C12orf56: variants seen among roughly 807,000 people sequenced by gnomAD.
The protein encoded by C12orf56 is uncharacterized protein C12orf56.
In C12orf56, 71 loss-of-function variants were observed where a neutral mutation model predicts 69.9. The ratio of observed to expected loss-of-function variants is 1.02; its 90% CI spans 0.84 to 1.24. The LOEUF is 1.24. Ranked by LOEUF, C12orf56 falls within the 50% of genes most tolerant of loss-of-function variation. C12orf56 has a pLI of 0.00. For synonymous variants in C12orf56, 276 were observed against 274.1 expected (o/e 1.01, Z -0.07); for missense variants, 732 against 738.5 (o/e 0.99, Z 0.10).
chr12:64,343,242 A>AT (rs1362134312), intron 2 of C12orf56, among the ~76,000 whole-genome samples: 12 of 152,068 alleles, frequency 7.9e-5, no homozygotes, highest in African/African-American at 2.9e-4. Context: ...TTTTAGTCGG[A>AT]TTTTTTTCCT....
chr12:64,329,951 A>C (rs2038908521), intron 3 of C12orf56, among the ~76,000 whole-genome samples: 1 of 151,826 alleles, frequency 6.6e-6, no homozygotes, highest in Admixed American at 6.6e-5. Flanking sequence ...GTTGGTTCCA[A>C]GTCTTTGCTA....
intron 1 of C12orf56, among the ~76,000 whole-genome samples, chr12:64,380,129 AAAAAACAAAAC>A (rs1315833041): frequency 1.0e-3 from 50 of 49,372 alleles, no homozygotes; most frequent in East Asian, 2.1e-3. Flanking sequence ...AAAAAAAAAA[AAAAAACAAAAC>A]AAACAAAAAA....
intron 6 of C12orf56, among the ~76,000 whole-genome samples, chr12:64,303,240 C>T (rs1328237616): frequency 1.3e-5 from 2 of 151,510 alleles, no homozygotes; most frequent in Non-Finnish European, 2.9e-5. Context: ...TGCCATTGCA[C>T]TCCAGCTTGG....
chr12:64,361,324 C>G (rs12229772), intron 1 of C12orf56, among the ~76,000 whole-genome samples: 19,216 of 152,208 alleles, frequency 0.13, 1,461 homozygotes, highest in East Asian at 0.36. Context: ...GCAACTCCAT[C>G]TTGAATAAGG....
intron 1 of C12orf56, among the ~76,000 whole-genome samples, chr12:64,365,817 T>A (rs924121812): frequency 1.7e-4 from 24 of 140,654 alleles, no homozygotes; most frequent in Non-Finnish European, 7.5e-5. Flanking sequence ...ATATATAGTG[T>A]ATATATTATG....
In C12orf56 at chr12:64,318,730, C is replaced by T. The variant is rs1477173619; in HGVS notation, c.739G>A (p.Gly247Arg). 7 of 1,536,842 alleles carry T rather than the reference C, an allele frequency of 4.6e-6. No homozygotes were observed. The highest frequency in any genetic ancestry group is 3.6e-5 in the South Asian group (3 of 84,044). The change falls in exon 4 of 13, where the codon GGA (glycine) becomes AGA (arginine). Residue 247 changes from glycine to arginine, a missense_variant. By Grantham distance (125) the Gly-to-Arg change is moderately radical (BLOSUM62 -2). Coordinates refer to ENST00000543942, the MANE Select transcript of C12orf56 (RefSeq NM_001170633.2). Reference protein sequence around the residue: ...SEIPFKCNGNGNEFYLGNSLL... With the variant: ...SEIPFKCNGNRNEFYLGNSLL... ...GAATTTCCTAAGTAAAACTCATTTCCATTCCCATTGCACTTGAAAGGAATT... is the reference window on the plus strand; with the variant it reads ...GAATTTCCTAAGTAAAACTCATTTCTATTCCCATTGCACTTGAAAGGAATT...
intron 5 of C12orf56, among the ~76,000 whole-genome samples, chr12:64,306,044 T>C (rs1380203636): frequency 1.3e-5 from 2 of 152,194 alleles, no homozygotes; most frequent in East Asian, 3.8e-4. Context: ...GGATAATAGA[T>C]TGTAATGCCA....
At chr12:64,276,976 A>T (rs10748007) in intron 9 of C12orf56, among the ~76,000 whole-genome samples, 7 of 138,044 alleles carry the variant, frequency 5.1e-5, no homozygotes, top group African/African-American at 1.7e-4. Context: ...CCTGGGCAAC[A>T]GAGTGAAACC....
At chr12:64,324,055 T>G (rs2038806429) in intron 3 of C12orf56, among the ~76,000 whole-genome samples, 1 of 152,228 alleles carries the variant, frequency 6.6e-6, no homozygotes, top group Non-Finnish European at 1.5e-5. Flanking sequence ...ATAAGTCACA[T>G]TCTTCAGGGC....
intron 1 of C12orf56, among the ~76,000 whole-genome samples, chr12:64,361,764 C>T (rs1236477572): frequency 1.3e-5 from 2 of 151,594 alleles, no homozygotes; most frequent in African/African-American, 4.8e-5. Flanking sequence ...TGGAGTTTTG[C>T]TCTTGTTGCC....
Position 64,347,284 on chromosome 12 carries a change from CT to C in C12orf56, c.415+5609del, listed in dbSNP as rs35011865. Among the ~76,000 whole-genome samples, 763 of 121,788 alleles carry C rather than the reference CT, an allele frequency of 6.3e-3. 4 individuals are homozygous for C. The highest frequency in any genetic ancestry group is 0.025 in the Middle Eastern group (5 of 202). 79.9% of individuals were successfully genotyped at this position (121,788 alleles called of 152,430 possible). A position where few individuals can be genotyped will look rare whatever the true frequency, so the allele number is the denominator to read the frequency against. The stretch of plus-strand genomic sequence containing the variant: ...TGAGCCACCATGCCCAGCCTAGTAA[CT>C]TTTTTTTTTTTTTTTTTTGAGACAG... On this transcript the variant is annotated intron_variant, in intron 2 of 12. Coordinates refer to ENST00000543942, the MANE Select transcript of C12orf56 (RefSeq NM_001170633.2).
At chr12:64,283,697 C>A (rs547451381) in intron 8 of C12orf56, among the ~76,000 whole-genome samples, 2 of 150,346 alleles carry the variant, frequency 1.3e-5, no homozygotes, top group African/African-American at 4.9e-5. Context: ...TCTCTTTCTG[C>A]TTCCCACAGG....
intron 1 of C12orf56, among the ~76,000 whole-genome samples, chr12:64,365,537 C>G (rs983871926): frequency 1.3e-5 from 2 of 151,436 alleles, no homozygotes; most frequent in African/African-American, 4.9e-5. Context: ...CAAATTGCCA[C>G]TGCTAATGAG....
intron 1 of C12orf56, among the ~76,000 whole-genome samples, chr12:64,362,660 C>T (rs1250118286): frequency 6.6e-6 from 1 of 151,992 alleles, no homozygotes; most frequent in African/African-American, 2.4e-5. Context: ...CCATTGCACT[C>T]CAGCCTGGGT....
At chr12:64,375,951 A>C (rs1355519521) in intron 1 of C12orf56, among the ~76,000 whole-genome samples, 2 of 152,184 alleles carry the variant, frequency 1.3e-5, no homozygotes, top group Non-Finnish European at 2.9e-5. Context: ...TGCACTGAAA[A>C]AAAGGTCATG....
intron 2 of C12orf56, among the ~76,000 whole-genome samples, chr12:64,346,926 A>G (rs1453235238): frequency 6.6e-6 from 1 of 152,108 alleles, no homozygotes; most frequent in Non-Finnish European, 1.5e-5. Flanking sequence ...GAAAATATCT[A>G]TATCTATACC....
chr12:64,278,115 G>C (rs1592412979), intron 8 of C12orf56, among the ~76,000 whole-genome samples: 2 of 152,090 alleles, frequency 1.3e-5, no homozygotes, highest in East Asian at 3.8e-4. Flanking sequence ...ATTTTCCAAA[G>C]GACTTTTTAT....
intron 3 of C12orf56, among the ~76,000 whole-genome samples, chr12:64,321,312 A>G (rs1422456624): frequency 6.6e-6 from 1 of 152,202 alleles, no homozygotes; most frequent in African/African-American, 2.4e-5. Context: ...TCTCTCTCCC[A>G]TAAGATTAGA....
At chr12:64,349,286 G>C (rs1171232959) in intron 2 of C12orf56, among the ~76,000 whole-genome samples, 1 of 152,174 alleles carries the variant, frequency 6.6e-6, no homozygotes, top group South Asian at 2.1e-4. Context: ...GATCACTAAT[G>C]ATCAAGGGAA....
Sources: allele counts gnomAD v4.1 joint callset (sites outside exome capture counted in the v4.1 genomes callset), GRCh38; gene constraint gnomAD v4.1.1; transcripts MANE v1.5; gene names NCBI Gene and HGNC (gene_info 2026-07-23, HGNC 2026-07-21).